Variants in GLIPR1L1 observed in about 807,000 individuals in gnomAD.
GLIPR1L1 encodes the protein GLIPR1 like 1.
Under a neutral mutation model 29.9 loss-of-function variants are expected in GLIPR1L1, and 26 were observed. The ratio of observed to expected loss-of-function variants is 0.87; its 90% confidence interval spans 0.64 to 1.21. GLIPR1L1 has a LOEUF of 1.21. Ranked by LOEUF, GLIPR1L1 falls within the 50% of genes most tolerant of loss-of-function variation. GLIPR1L1 has a pLI of 0.00. For synonymous variants in GLIPR1L1, 77 were observed against 97.5 expected (o/e 0.79, Z 1.24); for missense variants, 305 against 290.3 (o/e 1.05, Z -0.37).
intron 3 of GLIPR1L1, among the ~76,000 whole-genome samples, chr12:75,352,796 T>A (rs2139459375): frequency 6.6e-6 from 1 of 151,918 alleles, no homozygotes; most frequent in South Asian, 2.1e-4. Flanking sequence ...ATCATAACAG[T>A]CTCTCAGAAC....
chr12:75,366,644 C>CA (rs2043984031), intron 4 of GLIPR1L1, among the ~76,000 whole-genome samples: 1 of 147,554 alleles, frequency 6.8e-6, no homozygotes, highest in South Asian at 2.1e-4. Flanking sequence ...TTGTTGCCTA[C>CA]TTTTTTTTTT....
intron 3 of GLIPR1L1, among the ~76,000 whole-genome samples, chr12:75,358,918 C>A (rs2043353480): frequency 7.0e-6 from 1 of 143,186 alleles, no homozygotes; most frequent in African/African-American, 2.6e-5. Flanking sequence ...TATATTAGTA[C>A]AGACTGCATA....
chr12:75,368,063 T>C (rs997000828), intron 4 of GLIPR1L1, among the ~76,000 whole-genome samples: 1 of 152,048 alleles, frequency 6.6e-6, no homozygotes, highest in Non-Finnish European at 1.5e-5. Flanking sequence ...TTCCTTTTAA[T>C]GTCTTAATAT....
rs73189097 is a variant in GLIPR1L1, at chr12:75,347,632, C to T, written c.431C>T (p.Ala144Val). The change falls in exon 3 of 6, where the codon GCC becomes GTC. Residue 144 changes from alanine to valine, a missense_variant. By Grantham distance (64) the Ala-to-Val change is moderately conservative. Transcript: ENST00000378695. ...TCCTTTTCTTTATAGTTAGTTTGGG[C>T]CAATTCATTTTATGTCGGTTGTGCA... ...VCGHYTQLVW[A>V]NSFYVGCAVA... 2.9e-5 allele frequency: 47 copies of T among 1,605,756 alleles called. No homozygotes were observed. The highest frequency in any genetic ancestry group is 4.0e-5 in the African/African-American group (3 of 74,766).
chr12:75,356,403 A>G (rs2043159731), intron 3 of GLIPR1L1, among the ~76,000 whole-genome samples: 1 of 152,174 alleles, frequency 6.6e-6, no homozygotes, highest in Non-Finnish European at 1.5e-5. Flanking sequence ...AAATAAATGT[A>G]TTGTGATATT....
chr12:75,355,586 T>C (rs746913896), intron 3 of GLIPR1L1, among the ~76,000 whole-genome samples: 2 of 152,176 alleles, frequency 1.3e-5, no homozygotes, highest in Admixed American at 6.5e-5. Flanking sequence ...CTCAAAGATC[T>C]AGAACCAGAA....
intron 1 of GLIPR1L1, among the ~76,000 whole-genome samples, chr12:75,336,897 CAG>C (rs1461163758): frequency 6.6e-6 from 1 of 151,446 alleles, no homozygotes; most frequent in Non-Finnish European, 1.5e-5. Context: ...AATAAATTAA[CAG>C]TATTTGAAAT....
At chr12:75,347,379 T>G (rs1417347207) in intron 2 of GLIPR1L1, among the ~76,000 whole-genome samples, 1 of 152,134 alleles carries the variant, frequency 6.6e-6, no homozygotes, top group African/African-American at 2.4e-5. Flanking sequence ...TTATATATTA[T>G]ATTATCCTTT....
At chr12:75,357,151 C>G (rs2043207179) in intron 3 of GLIPR1L1, among the ~76,000 whole-genome samples, 1 of 152,146 alleles carries the variant, frequency 6.6e-6, no homozygotes, top group African/African-American at 2.4e-5. Context: ...AATTTCACCA[C>G]TGTACTCCAG....
At position 75,347,678 on chromosome 12, in the gene GLIPR1L1, T is replaced by C; in HGVS notation, c.477T>C (p.Leu159=). ...GTGCAGTTGCAATGTGTCCTAACCT[T>C]GGGGGAGCTTCAACTGCAATATTTG... ...VGCAVAMCPN[L]GGASTAIFVC... The change falls in exon 3 of 6, where the codon CTT becomes CTC. Residue 159 remains leucine (L), a synonymous_variant. Coordinates refer to ENST00000378695, the MANE Select transcript of GLIPR1L1 (RefSeq NM_001304964.2). The C allele has an allele frequency of 1.2e-6, 2 of 1,607,794 alleles. No homozygotes were observed. Among genetic ancestry groups the C allele is most frequent in the Non-Finnish European group, 1.7e-6 (2 of 1,176,022 alleles).
chr12:75,364,531 A>G (rs2043834753), intron 4 of GLIPR1L1, among the ~76,000 whole-genome samples: 1 of 152,244 alleles, frequency 6.6e-6, no homozygotes, highest in South Asian at 2.1e-4. Flanking sequence ...GTTCCAGCCC[A>G]GATGGGAATG....
intron 4 of GLIPR1L1, among the ~76,000 whole-genome samples, chr12:75,368,641 C>T (rs74108752): frequency 0.016 from 2,406 of 151,996 alleles, 51 homozygotes; most frequent in African/African-American, 0.055. Flanking sequence ...TTGTGCTTGG[C>T]CATATAATTT....
chr12:75,356,225 T>C (rs1243050004), intron 3 of GLIPR1L1, among the ~76,000 whole-genome samples: 1 of 152,032 alleles, frequency 6.6e-6, no homozygotes, highest in Non-Finnish European at 1.5e-5. Flanking sequence ...AGCAATATCT[T>C]TAAAAACAAA....
Position 75,366,749 on chromosome 12 carries a change from T to A in GLIPR1L1, c.611-3211T>A. On this transcript the variant is annotated intron_variant, in intron 4 of 5. Transcript: ENST00000378695. ...GGGTGAGACTGCAGTGTTTTACCAATGAGTCATTTCCACGCTCTTATGTGT... is the reference window on the plus strand; with the variant it reads ...GGGTGAGACTGCAGTGTTTTACCAAAGAGTCATTTCCACGCTCTTATGTGT... The A allele has an allele frequency of 6.4e-6, 4 of 625,726 alleles. No individual in the cohort carries two copies. The East Asian group carries it at 1.1e-4, about 17-fold the overall frequency. 38.8% of individuals were successfully genotyped at this position (625,726 alleles called of 1,614,324 possible).
At chr12:75,338,944 T>C (rs543513575) in intron 1 of GLIPR1L1, among the ~76,000 whole-genome samples, 1 of 152,382 alleles carries the variant, frequency 6.6e-6, no homozygotes, top group East Asian at 1.9e-4. Flanking sequence ...TTCCTTTTTA[T>C]GGCTGCATAG....
At chr12:75,361,402 A>C (rs1000843190) in intron 3 of GLIPR1L1, among the ~76,000 whole-genome samples, 1 of 152,166 alleles carries the variant, frequency 6.6e-6, no homozygotes, top group African/African-American at 2.4e-5. Flanking sequence ...TCAGGTTTTA[A>C]ACTGTCTTTG....
intron 3 of GLIPR1L1, among the ~76,000 whole-genome samples, chr12:75,359,578 A>C (rs1438836677): frequency 3.9e-5 from 6 of 152,096 alleles, no homozygotes; most frequent in Admixed American, 2.6e-4. Context: ...TGGTTTTCAA[A>C]AGTTATTAAA....
intron 3 of GLIPR1L1, among the ~76,000 whole-genome samples, chr12:75,358,801 A>G (rs1339742010): frequency 6.9e-6 from 1 of 144,550 alleles, no homozygotes; most frequent in Non-Finnish European, 1.5e-5. Flanking sequence ...AATATATAAT[A>G]TATTATATAT....
chr12:75,366,688 G>GT (rs1304737985), intron 4 of GLIPR1L1: 7 of 537,590 alleles, frequency 1.3e-5, no homozygotes, highest in Admixed American at 3.4e-5. Context: ...GTGGCCTAGG[G>GT]TTTTTTTGTG....
Sources: gnomAD v4.1 joint callset for allele counts (sites outside exome capture counted in the v4.1 genomes callset) on GRCh38, gnomAD v4.1.1 for gene constraint, MANE v1.5 for transcripts, NCBI Gene and HGNC (gene_info 2026-07-23, HGNC 2026-07-21) for gene names.